AGMO: variants seen among roughly 807,000 people sequenced by gnomAD.
AGMO encodes the protein glyceryl-ether monooxygenase.
AGMO carries 75 observed loss-of-function variants against 60.2 expected under a neutral mutation model. The ratio of observed to expected loss-of-function variants is 1.25; its 90% CI spans 1.03 to 1.51. AGMO has a LOEUF of 1.51. Ranked by LOEUF, AGMO falls within the 40% of genes most tolerant of loss-of-function variation. AGMO has a pLI of 0.00. For missense variants in AGMO, 763 were observed against 525.5 expected (o/e 1.45, Z -4.42); for synonymous variants, 261 against 177.1 (o/e 1.47, Z -3.76).
At chr7:15,449,458 C>T (rs1339902767) in intron 3 of AGMO, among the ~76,000 whole-genome samples, 1 of 152,028 alleles carries the variant, frequency 6.6e-6, no homozygotes, top group East Asian at 1.9e-4. Flanking sequence ...ATTATAACAC[C>T]ACATTTTGAT....
chr7:15,150,994 A>G, the AGMO span, among the ~76,000 whole-genome samples: 5 of 152,104 alleles, frequency 3.3e-5, no homozygotes, highest in Non-Finnish European at 7.4e-5. Flanking sequence ...TCGATTTCAC[A>G]ATTAGTTATT....
At chr7:15,445,869 C>A (rs536599322) in intron 3 of AGMO, among the ~76,000 whole-genome samples, 88 of 152,254 alleles carry the variant, frequency 5.8e-4, no homozygotes, top group Non-Finnish European at 1.1e-3. Context: ...TGCCTCTCTT[C>A]TGCCACTCCA....
chr7:15,219,955 T>A (rs181990671), intron 12 of AGMO, among the ~76,000 whole-genome samples: 1 of 152,260 alleles, frequency 6.6e-6, no homozygotes, highest in African/African-American at 2.4e-5. Context: ...ATCTTTCCTG[T>A]TGTACAGCTC....
At chr7:15,209,903 A>C (rs1364268102) in intron 12 of AGMO, among the ~76,000 whole-genome samples, 1 of 152,196 alleles carries the variant, frequency 6.6e-6, no homozygotes, top group Non-Finnish European at 1.5e-5. Flanking sequence ...AGACTTGGCA[A>C]TATAGGTACT....
At chr7:15,238,139 T>C (rs1782483129) in intron 12 of AGMO, among the ~76,000 whole-genome samples, 1 of 151,878 alleles carries the variant, frequency 6.6e-6, no homozygotes, top group Admixed American at 6.6e-5. Context: ...TTCTCTCTTT[T>C]TTTCAGTAGT....
At chr7:15,447,942 T>C (rs1781746284) in intron 3 of AGMO, among the ~76,000 whole-genome samples, 1 of 152,112 alleles carries the variant, frequency 6.6e-6, no homozygotes, top group African/African-American at 2.4e-5. Context: ...AGAAACAGAA[T>C]GGGGGGTTTT....
chr7:15,336,059 C>T (rs561905254), intron 12 of AGMO, among the ~76,000 whole-genome samples: 1 of 152,236 alleles, frequency 6.6e-6, no homozygotes, highest in African/African-American at 2.4e-5. Flanking sequence ...TGAAAGCTAA[C>T]AGGTTGTCCG....
At chr7:15,429,205 C>G (rs530740057) in intron 4 of AGMO, among the ~76,000 whole-genome samples, 1 of 152,106 alleles carries the variant, frequency 6.6e-6, no homozygotes, top group African/African-American at 2.4e-5. Flanking sequence ...CTTCCCTACC[C>G]AAATTCACAT....
intron 6 of AGMO, among the ~76,000 whole-genome samples, chr7:15,391,393 G>A (rs1377888046): frequency 6.6e-6 from 1 of 151,924 alleles, no homozygotes; most frequent in East Asian, 1.9e-4. Context: ...AAAAGCCACA[G>A]TAAAAAATAA....
At chr7:15,277,180 T>G (rs926335752) in intron 12 of AGMO, among the ~76,000 whole-genome samples, 2 of 151,962 alleles carry the variant, frequency 1.3e-5, no homozygotes, top group African/African-American at 4.8e-5. Flanking sequence ...TGGTGGTGGG[T>G]GCCTGTAAAC....
At chr7:15,356,317 T>C (rs1052273394) in intron 12 of AGMO, among the ~76,000 whole-genome samples, 82 of 152,252 alleles carry the variant, frequency 5.4e-4, no homozygotes, top group African/African-American at 1.9e-3. Flanking sequence ...TAGACAGATA[T>C]GTATAGTCAA....
At chr7:15,358,917 G>T (rs996251498) in intron 12 of AGMO, among the ~76,000 whole-genome samples, 28 of 152,146 alleles carry the variant, frequency 1.8e-4, no homozygotes, top group African/African-American at 6.5e-4. Context: ...AATGATAGAA[G>T]CGATTTTAAC....
chr7:15,263,199 C>A (rs1475434082), intron 12 of AGMO, among the ~76,000 whole-genome samples: 1 of 151,878 alleles, frequency 6.6e-6, no homozygotes, highest in African/African-American at 2.4e-5. Context: ...GATTTAATAT[C>A]CAGAATCTAC....
chr7:15,185,310 G>C, the AGMO span, among the ~76,000 whole-genome samples: 3 of 151,970 alleles, frequency 2.0e-5, no homozygotes, highest in East Asian at 5.8e-4. Context: ...AGAATCTAAG[G>C]TACTTGTTTT....
chr7:15,551,575 C>G (rs1470894285), intron 2 of AGMO, among the ~76,000 whole-genome samples: 1 of 151,052 alleles, frequency 6.6e-6, no homozygotes, highest in South Asian at 2.1e-4. Context: ...ACAATTGCTT[C>G]AAAGAGAATA....
At chr7:15,169,935 A>C in the AGMO span, among the ~76,000 whole-genome samples, 3 of 152,198 alleles carry the variant, frequency 2.0e-5, no homozygotes, top group African/African-American at 7.2e-5. Context: ...TCCCTATTCC[A>C]TTAACAGTGA....
Position 15,343,904 on chromosome 7 carries a change from A to G in AGMO, c.1263+21610T>C, listed in dbSNP as rs528429635. ...GCATAGTTTAAAAGTTGACATTTAT[A>G]CTCATTCTCTCATGTACACAAGGAA... On this transcript the variant is annotated intron_variant, in intron 12 of 12. Transcript: ENST00000342526. 2.8e-4 allele frequency among the ~76,000 whole-genome samples: 43 copies of G among 152,286 alleles called. 1 individual carries two copies. The South Asian group carries it at 7.5e-3, about 26-fold the overall frequency.
chr7:15,244,392 T>C (rs910697610), intron 12 of AGMO, among the ~76,000 whole-genome samples: 2 of 152,132 alleles, frequency 1.3e-5, no homozygotes, highest in Admixed American at 1.3e-4. Flanking sequence ...AGACTGTATA[T>C]CTTTTTTATC....
the AGMO span, among the ~76,000 whole-genome samples, chr7:15,126,945 C>T: frequency 6.6e-6 from 1 of 152,042 alleles, no homozygotes; most frequent in Non-Finnish European, 1.5e-5. Context: ...TTGGCCTCCA[C>T]AATCCTTTAT....
Sources: allele counts gnomAD v4.1 joint callset (sites outside exome capture counted in the v4.1 genomes callset), GRCh38; gene constraint gnomAD v4.1.1; transcripts MANE v1.5; gene names NCBI Gene and HGNC (gene_info 2026-07-23, HGNC 2026-07-21).